The following SMC4 variants were observed in gnomAD, a reference collection of about 807,000 sequenced individuals.
SMC4 encodes structural maintenance of chromosomes protein 4.
A neutral mutation model predicts 145.6 loss-of-function variants in SMC4; 87 were observed. The ratio of observed to expected loss-of-function variants is 0.60; its 90% CI spans 0.50 to 0.71. The LOEUF (loss-of-function observed/expected upper bound fraction) is 0.71, where lower values mean the gene tolerates loss of function less well. Ranked by LOEUF, SMC4 falls within the 30% of genes least tolerant of loss-of-function variation. The probability of loss-of-function intolerance (pLI) is 0.00; values close to 1 mark genes in which losing one functional copy is unlikely to be tolerated. For synonymous variants in SMC4, 558 were observed against 500.7 expected, an observed-to-expected ratio of 1.11 and a Z score of -1.53; for missense variants, 1,447 against 1,537.1, an observed-to-expected ratio of 0.94 and a Z score of 0.98.
chr3:160,428,875 A>C lies in SMC4; in HGVS notation c.2728A>C (p.Asn910His). The change falls in exon 18 of 24, where the codon AAT becomes CAT. Residue 910 changes from asparagine (N) to histidine (H), a missense_variant. Transcript: ENST00000357388. Reference sequence around the variant, plus strand: ...CCAACAAGACAAACTTGATAAAATAAATAAGCAATTAGATGAATGTGCTTC... The same window carrying C: ...CCAACAAGACAAACTTGATAAAATACATAAGCAATTAGATGAATGTGCTTC... Reference protein sequence around the residue: ...KAQQDKLDKINKQLDECASAI... With the variant: ...KAQQDKLDKIHKQLDECASAI... 1 of 1,605,876 alleles carries C rather than the reference A, an allele frequency of 6.2e-7. No individual in the cohort carries two copies. The highest frequency in any genetic ancestry group is 1.3e-5 in the African/African-American group (1 of 74,364).
intron 21 of SMC4, 58 bp from the exon 22 acceptor site, chr3:160,432,225 G>A: frequency 7.9e-7 from 1 of 1,273,058 alleles, no homozygotes. Flanking sequence ...AATTAACAAT[G>A]CTAATTATCA....
At chr3:160,412,231 C>T in intron 6 of SMC4, 95 bp from the exon 7 acceptor site, 1 of 1,423,494 alleles carries the variant, frequency 7.0e-7, no homozygotes, top group Non-Finnish European at 9.5e-7. Flanking sequence ...TGAACATTCT[C>T]CTTATTAACT....
chr3:160,429,526 T>G (rs1718146533), intron 18 of SMC4, among the ~76,000 whole-genome samples: 2 of 151,718 alleles, frequency 1.3e-5, no homozygotes, highest in South Asian at 4.2e-4. Context: ...GTATTTTTTT[T>G]GTAGAGACCA....
In SMC4 at chr3:160,400,837, A is replaced by T; in HGVS notation, c.11A>T (p.Lys4Ile). The change falls in exon 2 of 24, where the codon AAA becomes ATA. Residue 4 changes from lysine to isoleucine, a missense_variant. Physicochemically the swap from Lys to Ile is moderately radical, Grantham distance 102. Transcript: ENST00000357388. The part of the protein sequence containing the change: MPR[K>I]GTQPSTARRR... ...CCGGCCCCAGCGACCATGCCCCGTA[A>T]AGGCACCCAGCCCTCCACTGCCCGG... is the stretch of plus-strand genomic sequence containing the variant. 1 of 1,537,732 alleles carries T rather than the reference A, an allele frequency of 6.5e-7. No individual in the cohort carries two copies. The highest frequency in any genetic ancestry group is 8.7e-7 in the Non-Finnish European group (1 of 1,152,188).
At chr3:160,400,611 T>G (rs1459029903) in intron 1 of SMC4, 2 of 529,196 alleles carry the variant, frequency 3.8e-6, no homozygotes, top group Non-Finnish European at 6.3e-6. Context: ...CACGTCTAGA[T>G]TTTCCCACTT....
intron 8 of SMC4, 142 bp from the exon 9 acceptor site, chr3:160,414,225 A>T (rs1395639966): frequency 1.4e-6 from 1 of 723,566 alleles, no homozygotes; most frequent in South Asian, 1.5e-5. Context: ...GAGAGGGATC[A>T]TCTTGGAATA....
rs1717768855 is a variant in SMC4, at chr3:160,426,175, A to G, written c.2580A>G (p.Glu860=). The G allele has an allele frequency of 1.2e-6, 2 of 1,609,686 alleles. No homozygotes were observed. ...ACAAAAAAAAGCAGAAATTGCTAGA[A>G]GAAAACGTTAGTGCTTTCAAAACAG... is the stretch of plus-strand genomic sequence containing the variant. ...APDKKKQKLL[E]ENVSAFKTEY... Residue 860 remains glutamate (E), a synonymous_variant, in exon 17 of 24, where the codon GAA becomes GAG. Coordinates refer to ENST00000357388, the MANE Select transcript of SMC4 (RefSeq NM_001002800.3).
chr3:160,433,059 C>T lies in SMC4; in HGVS notation c.3564C>T (p.Ile1188=). The T allele has an allele frequency of 6.2e-7, 1 of 1,613,514 alleles. No individual in the cohort carries two copies. Among genetic ancestry groups the T allele is most frequent in the Non-Finnish European group, 8.5e-7 (1 of 1,179,622 alleles). ...VRPPKKSWKK[I]FNLSGGEKTL... ...CACCTAAGAAAAGTTGGAAAAAGATCTTCAACCTTTCGGGAGGAGAGAAAA... is the reference window on the plus strand; with the variant it reads ...CACCTAAGAAAAGTTGGAAAAAGATTTTCAACCTTTCGGGAGGAGAGAAAA... The change falls in exon 23 of 24, where the codon ATC becomes ATT. Residue 1188 remains isoleucine, a synonymous_variant. Transcript: ENST00000357388.
At position 160,423,788 on chromosome 3, in the gene SMC4, TA is replaced by T; in HGVS notation, c.2275del (p.Met759Ter). The T allele has an allele frequency of 1.2e-6, 2 of 1,613,816 alleles. No homozygotes were observed. Among genetic ancestry groups the T allele is most frequent in the Non-Finnish European group, 1.7e-6 (2 of 1,179,872 alleles). ...ACAATGACTGGTGGTGGAAGCAAAG[TA>T]ATGAAAGGAAGAATGGGTTCCTCAC... ...SGTMTGGGSK[V>X]MKGRMGSSLV... On this transcript the variant is annotated frameshift_variant, in exon 15 of 24. Transcript: ENST00000357388. LOFTEE classifies it high-confidence loss of function.
At chr3:160,403,302 T>C (rs1476037330) in intron 4 of SMC4, among the ~76,000 whole-genome samples, 3 of 152,160 alleles carry the variant, frequency 2.0e-5, no homozygotes, top group Admixed American at 6.5e-5. Flanking sequence ...ATCTGTGATA[T>C]GAAAGAGCTT....
rs1718359266 is a variant in SMC4, at chr3:160,431,128, A to C, written c.3037A>C (p.Ser1013Arg). The change falls in exon 20 of 24, where the codon AGT (serine) becomes CGT (arginine). Residue 1013 changes from serine to arginine, a missense_variant. Coordinates refer to ENST00000357388, the MANE Select transcript of SMC4 (RefSeq NM_001002800.3). ...NEHALQKDALSIKLKLEQIDG... is the reference protein window; with the variant it reads ...NEHALQKDALRIKLKLEQIDG... ...ACATGCTCTTCAAAAAGATGCACTT[A>C]GTATTAAGTTGAAACTTGAACAAAT... 6.2e-7 allele frequency: 1 copy of C among 1,606,492 alleles called. No individual in the cohort carries two copies. Among genetic ancestry groups the C allele is most frequent in the Non-Finnish European group, 8.5e-7 (1 of 1,177,844 alleles).
In SMC4 at chr3:160,400,933, C is replaced by T. The variant is rs2108440535; in HGVS notation, c.107C>T (p.Ser36Phe). Reference protein sequence around the residue: ...ASSDAEPEPPSGRTESPATAA... With the variant: ...ASSDAEPEPPFGRTESPATAA... Reference sequence around the variant, plus strand: ...AGCGACGCGGAGCCTGAGCCGCCGTCCGGCCGCACGGAGAGCCCAGCCACC... The same window carrying T: ...AGCGACGCGGAGCCTGAGCCGCCGTTCGGCCGCACGGAGAGCCCAGCCACC... The change falls in exon 2 of 24, where the codon TCC becomes TTC. Residue 36 changes from serine (S) to phenylalanine (F), a missense_variant. By Grantham distance (155) the Ser-to-Phe change is radical. Coordinates refer to ENST00000357388, the MANE Select transcript of SMC4 (RefSeq NM_001002800.3). The T allele has an allele frequency of 1.4e-6, 2 of 1,468,260 alleles. No individual in the cohort carries two copies. The highest frequency in any genetic ancestry group is 5.8e-5 in the East Asian group (2 of 34,504). 91.0% of individuals were successfully genotyped at this position (1,468,260 alleles called of 1,614,324 possible).
rs1336871161 is a variant in SMC4 at position 160,434,073 on chromosome 3, A to T, written c.*264A>T. ...GGTCAGGTAACTTGCCAAACTAAAA[A>T]GTATGTTAGTTGAGGCAAAGTCCTA... On this transcript the variant is annotated 3_prime_UTR_variant, in exon 24 of 24. Coordinates refer to ENST00000357388, the MANE Select transcript of SMC4 (RefSeq NM_001002800.3). 3.5e-6 allele frequency: 1 copy of T among 281,850 alleles called. No individual in the cohort carries two copies. The highest frequency in any genetic ancestry group is 9.8e-5 in the East Asian group (1 of 10,156). The allele number at this position is 281,850 out of a possible 1,614,324, so 17.5% of individuals were successfully genotyped here.
chr3:160,421,511 C>T (rs1241578573), intron 13 of SMC4, among the ~76,000 whole-genome samples: 3 of 151,950 alleles, frequency 2.0e-5, no homozygotes, highest in African/African-American at 7.2e-5. Context: ...TTTGGGAGGC[C>T]AAGGCGGGCG....
chr3:160,407,034 A>G (rs550484970), intron 5 of SMC4, among the ~76,000 whole-genome samples: 1 of 152,144 alleles, frequency 6.6e-6, no homozygotes, highest in Non-Finnish European at 1.5e-5. Flanking sequence ...TTAGCTCTGT[A>G]TAACATTTCT....
In SMC4 at chr3:160,404,490, T is replaced by G. The variant is rs1423574542; in HGVS notation, c.673T>G (p.Phe225Val). 1 of 1,602,618 alleles carries G rather than the reference T, an allele frequency of 6.2e-7. No homozygotes were observed. The highest frequency in any genetic ancestry group is 8.5e-7 in the Non-Finnish European group (1 of 1,176,890). The change falls in exon 5 of 24, where the codon TTT (phenylalanine) becomes GTT (valine). Residue 225 changes from phenylalanine (F) to valine (V), a missense_variant. By Grantham distance (50) the Phe-to-Val change is conservative. Transcript: ENST00000357388. Reference sequence around the variant, plus strand: ...TGGAATTGACTTGGACCATAATAGATTTTTAATTTTACAGGTAAGTTTATT... The same window carrying G: ...TGGAATTGACTTGGACCATAATAGAGTTTTAATTTTACAGGTAAGTTTATT... ...SHGIDLDHNR[F>V]LILQGEVEQI...
At position 160,400,930 on chromosome 3, in the gene SMC4, C is replaced by T. The variant is rs1466660440; in HGVS notation, c.104C>T (p.Pro35Leu). Residue 35 changes from proline (P) to leucine (L), a missense_variant, in exon 2 of 24, where the codon CCG becomes CTG. By Grantham distance (98) the Pro-to-Leu change is moderately conservative. Transcript: ENST00000357388. ...AGCAGCGACGCGGAGCCTGAGCCGC[C>T]GTCCGGCCGCACGGAGAGCCCAGCC... The part of the protein sequence containing the change: ...GASSDAEPEP[P>L]SGRTESPATA... 1.4e-6 allele frequency: 2 copies of T among 1,469,858 alleles called. No homozygotes were observed. Among genetic ancestry groups the T allele is most frequent in the Non-Finnish European group, 8.9e-7 (1 of 1,120,730 alleles). The allele number at this position is 1,469,858 out of a possible 1,614,324, so 91.1% of individuals were successfully genotyped here.
At chr3:160,400,709 C>T (rs984550005) in intron 1 of SMC4, 113 bp from the exon 2 acceptor site, 31 of 1,286,710 alleles carry the variant, frequency 2.4e-5, no homozygotes, top group Admixed American at 4.1e-5. Flanking sequence ...TGCCTCTAAG[C>T]GGAGTGTTAA....
chr3:160,430,805 G>GAT, intron 19 of SMC4, 62 bp downstream of exon 19: 1 of 1,532,404 alleles, frequency 6.5e-7, no homozygotes, highest in East Asian at 2.3e-5. Flanking sequence ...TAAAGAGCTG[G>GAT]ATATATGACA....
Sources: allele counts gnomAD v4.1 joint callset (sites outside exome capture counted in the v4.1 genomes callset), GRCh38; gene constraint gnomAD v4.1.1; transcripts MANE v1.5; gene names NCBI Gene and HGNC (gene_info 2026-07-23, HGNC 2026-07-21).